Variants in ASTN1 observed in about 807,000 individuals in gnomAD.
The protein encoded by ASTN1 is astrotactin 1, also known as astrotactin-1.
A neutral mutation model predicts 140.7 loss-of-function variants in ASTN1; 41 were observed. The ratio of observed to expected loss-of-function variants is 0.29; its 90% CI spans 0.23 to 0.38. ASTN1 has a LOEUF of 0.38. Among genes scored for constraint, ASTN1 ranks in the 10% least tolerant of loss-of-function variants. The pLI is 1.00. For synonymous variants in ASTN1, 640 were observed against 652.2 expected (o/e 0.98, Z 0.29); for missense variants, 1,479 against 1,678.8 (o/e 0.88, Z 2.08).
At chr1:176,892,157 T>C (rs911698413) in intron 17 of ASTN1, among the ~76,000 whole-genome samples, 4 of 152,160 alleles carry the variant, frequency 2.6e-5, no homozygotes, top group African/African-American at 9.7e-5. Flanking sequence ...CAAAATTGGA[T>C]CATGAGCTGC....
chr1:177,140,819 G>T (rs1249680883), intron 1 of ASTN1, among the ~76,000 whole-genome samples: 1 of 152,192 alleles, frequency 6.6e-6, no homozygotes, highest in Non-Finnish European at 1.5e-5. Flanking sequence ...AGAGGCTTTG[G>T]GGTCAGGTAG....
intron 1 of ASTN1, among the ~76,000 whole-genome samples, chr1:177,140,561 A>AT (rs1340649040): frequency 5.3e-5 from 8 of 152,216 alleles, no homozygotes; most frequent in African/African-American, 1.7e-4. Flanking sequence ...TATCCACATT[A>AT]TAAGTGCTTA....
intron 7 of ASTN1, among the ~76,000 whole-genome samples, chr1:177,023,169 C>T (rs1375026949): frequency 6.6e-6 from 1 of 152,190 alleles, no homozygotes; most frequent in Non-Finnish European, 1.5e-5. Context: ...CATCCTAAAA[C>T]TGAGTTTTCT....
intron 1 of ASTN1, among the ~76,000 whole-genome samples, chr1:177,130,717 C>T (rs749785889): frequency 7.2e-5 from 11 of 152,138 alleles, no homozygotes; most frequent in Non-Finnish European, 1.5e-4. Flanking sequence ...TAAGGCCCAT[C>T]GCACACTGTC....
chr1:176,875,873 A>T (rs2103018962), intron 21 of ASTN1, among the ~76,000 whole-genome samples: 1 of 152,338 alleles, frequency 6.6e-6, no homozygotes. Context: ...GGTTATAAAT[A>T]GGGTGTAAAA....
chr1:177,018,725 G>T (rs1379042256), intron 7 of ASTN1, among the ~76,000 whole-genome samples: 1 of 152,204 alleles, frequency 6.6e-6, no homozygotes, highest in Non-Finnish European at 1.5e-5. Context: ...AGGCCAGGGA[G>T]AGAGGAAAGA....
At chr1:176,896,042 G>GT (rs1219351068) in intron 16 of ASTN1, among the ~76,000 whole-genome samples, 1 of 152,160 alleles carries the variant, frequency 6.6e-6, no homozygotes, top group Non-Finnish European at 1.5e-5. Context: ...GTACCCGAAG[G>GT]TGATTGTAGA....
chr1:176,927,123 G>A (rs190706680), intron 16 of ASTN1, among the ~76,000 whole-genome samples: 4 of 152,294 alleles, frequency 2.6e-5, no homozygotes, highest in South Asian at 2.1e-4. Flanking sequence ...GAGCCTGAGC[G>A]TCACCTTAGA....
intron 2 of ASTN1, among the ~76,000 whole-genome samples, chr1:177,047,248 A>G (rs907289131): frequency 9.9e-5 from 15 of 152,214 alleles, no homozygotes; most frequent in African/African-American, 3.6e-4. Flanking sequence ...GAATTTTAAA[A>G]AGAGTAGAAA....
At chr1:177,003,396 T>C (rs1181872487) in intron 8 of ASTN1, among the ~76,000 whole-genome samples, 4 of 152,244 alleles carry the variant, frequency 2.6e-5, no homozygotes, top group Non-Finnish European at 5.9e-5. Context: ...AAAAGCCATA[T>C]GAGCAACTCA....
At chr1:177,093,192 C>CT (rs1236159358) in intron 1 of ASTN1, among the ~76,000 whole-genome samples, 1 of 152,142 alleles carries the variant, frequency 6.6e-6, no homozygotes, top group African/African-American at 2.4e-5. Flanking sequence ...ACTAGCATCC[C>CT]TTTCACATTT....
intron 1 of ASTN1, among the ~76,000 whole-genome samples, chr1:177,069,438 G>C (rs999128170): frequency 6.6e-6 from 1 of 152,160 alleles, no homozygotes; most frequent in Admixed American, 6.5e-5. Context: ...GGAGTGATGA[G>C]AGAAAGGAAA....
chr1:177,071,847 G>A (rs79907891), intron 1 of ASTN1, among the ~76,000 whole-genome samples: 7,374 of 152,240 alleles, frequency 0.048, 247 homozygotes, highest in South Asian at 0.12. Flanking sequence ...TATCTCTGTG[G>A]CATCATTCAG....
At chr1:177,116,775 A>C (rs1477126778) in intron 1 of ASTN1, among the ~76,000 whole-genome samples, 2 of 151,888 alleles carry the variant, frequency 1.3e-5, no homozygotes, top group Non-Finnish European at 2.9e-5. Context: ...TGTTCCTTTG[A>C]CTCATTTGAC....
At chr1:177,144,849 G>C (rs930916930) in intron 1 of ASTN1, among the ~76,000 whole-genome samples, 1 of 152,066 alleles carries the variant, frequency 6.6e-6, no homozygotes, top group African/African-American at 2.4e-5. Flanking sequence ...TGCCTTCGGG[G>C]TAACTGGTGG....
At chr1:176,865,864 A>G (rs1668113584) in intron 22 of ASTN1, among the ~76,000 whole-genome samples, 1 of 152,186 alleles carries the variant, frequency 6.6e-6, no homozygotes, top group South Asian at 2.1e-4. Context: ...GCAGCAGACA[A>G]GAGAAGAGAG....
At chr1:176,910,661 C>A (rs1441236508) in intron 16 of ASTN1, among the ~76,000 whole-genome samples, 1 of 152,152 alleles carries the variant, frequency 6.6e-6, no homozygotes, top group East Asian at 1.9e-4. Flanking sequence ...TCACACAAAC[C>A]TAGATGGTAT....
In ASTN1 at chr1:177,061,042, C is replaced by G. The variant is rs1454819239; in HGVS notation, c.471+36G>C. Reference sequence around the variant, plus strand: ...ACCCTTAATGTCAAGGTAACATAAGCTATGGCCTGAGAGGCTAAGGCTGTT... The same window carrying G: ...ACCCTTAATGTCAAGGTAACATAAGGTATGGCCTGAGAGGCTAAGGCTGTT... On this transcript the variant is annotated intron_variant, in intron 2 of 22. Coordinates refer to ENST00000361833, the MANE Select transcript of ASTN1 (RefSeq NM_004319.3). The G allele has an allele frequency of 3.4e-6, 5 of 1,488,448 alleles. No individual in the cohort carries two copies. In the South Asian group the frequency reaches 5.8e-5, roughly 17 times the overall value. The allele number at this position is 1,488,448 out of a possible 1,614,324, so 92.2% of individuals were successfully genotyped here. A position where few individuals can be genotyped will look rare whatever the true frequency, so the allele number is the denominator to read the frequency against.
chr1:177,138,975 C>T (rs149767492), intron 1 of ASTN1, among the ~76,000 whole-genome samples: 1 of 152,332 alleles, frequency 6.6e-6, no homozygotes, highest in East Asian at 1.9e-4. Context: ...AAAGCCCATG[C>T]TCTTTCCACT....
Sources: allele counts gnomAD v4.1 joint callset (sites outside exome capture counted in the v4.1 genomes callset), GRCh38; gene constraint gnomAD v4.1.1; transcripts MANE v1.5; gene names NCBI Gene and HGNC (gene_info 2026-07-23, HGNC 2026-07-21).